C12orf76: variants seen among roughly 807,000 people sequenced by gnomAD.
The protein encoded by C12orf76 is chromosome 12 open reading frame 76, also known as uncharacterized protein C12orf76.
In C12orf76, 6 loss-of-function variants were observed where a neutral mutation model predicts 6.8. The ratio of observed to expected loss-of-function variants is 0.88; its 90% CI spans 0.48 to 1.73. The LOEUF is 1.73. Among genes scored for constraint, C12orf76 ranks in the 40% most tolerant of loss-of-function variants. The pLI, the probability that C12orf76 is intolerant of heterozygous loss-of-function variation, is 0.01. For missense variants in C12orf76, 99 were observed against 98.2 expected, an observed-to-expected ratio of 1.01 and a Z score of -0.03; for synonymous variants, 56 against 43.7, an observed-to-expected ratio of 1.28 and a Z score of -1.11.
At position 110,042,337 on chromosome 12, in the gene C12orf76, C is replaced by T. The variant is rs904677727; in HGVS notation, c.*37G>A. ...TGGCCTGTGTGCAACACAACTTATCCTATTCCCAAATACTCATTGAAGAAC... is the reference window on the plus strand; with the variant it reads ...TGGCCTGTGTGCAACACAACTTATCTTATTCCCAAATACTCATTGAAGAAC... On this transcript the variant is annotated 3_prime_UTR_variant, in exon 2 of 2. Transcript: ENST00000615315. 7.0e-6 allele frequency: 11 copies of T among 1,574,158 alleles called. No individual in the cohort carries two copies. The highest frequency in any genetic ancestry group is 9.6e-6 in the Non-Finnish European group (11 of 1,144,274).
intron 1 of C12orf76, chr12:110,066,120 C>T (rs1242451599): frequency 1.4e-5 from 19 of 1,387,372 alleles, no homozygotes; most frequent in Non-Finnish European, 1.5e-5. Flanking sequence ...GGCGCGGTAG[C>T]TCACAATTTG....
rs556995911 is a variant in C12orf76 at position 110,066,229 on chromosome 12, T to C, written n.207-196A>G. ...TCTACTAAAATTACAAAAATTAGCC[T>C]GGTGTGGTGGCACACGCCTGTAGTC... is the stretch of plus-strand genomic sequence containing the variant. On this transcript the variant is annotated intron_variant and non_coding_transcript_variant, in intron 1 of 4. Coordinates refer to the C12orf76 transcript ENST00000309050. 2.1e-4 allele frequency among the ~76,000 whole-genome samples: 32 copies of C among 151,368 alleles called. 1 individual carries two copies. The South Asian group carries it at 6.5e-3, about 31-fold the overall frequency.
chr12:110,049,849 T>C (rs763313271), upstream of C12orf76: 1 of 152,184 alleles, frequency 6.6e-6, no homozygotes, highest in Non-Finnish European at 1.5e-5. Context: ...TAGAAGAACG[T>C]TGTGAAACTC....
intron 4 of C12orf76, among the ~76,000 whole-genome samples, chr12:110,055,195 C>T (rs555311586): frequency 9.6e-4 from 144 of 150,656 alleles, no homozygotes; most frequent in Non-Finnish European, 1.7e-3. Flanking sequence ...GAGGCCTAAT[C>T]AGCATATATG....
exon 4 of C12orf76, chr12:110,057,241 C>T: frequency 6.2e-7 from 1 of 1,614,170 alleles, no homozygotes; most frequent in South Asian, 1.1e-5. Context: ...GATTGTTCTT[C>T]AAGCTCTGCA....
intron 1 of C12orf76, among the ~76,000 whole-genome samples, chr12:110,047,486 C>T (rs564131835): frequency 2.6e-5 from 4 of 152,138 alleles, no homozygotes; most frequent in African/African-American, 9.6e-5. Flanking sequence ...CCCAAGAGTT[C>T]GAGACCCCCA....
At chr12:110,055,417 A>G (rs10849689) in intron 4 of C12orf76, among the ~76,000 whole-genome samples, 46,381 of 151,856 alleles carry the variant, frequency 0.31, 10,336 homozygotes, top group African/African-American at 0.64. Flanking sequence ...ATGTTGGCCA[A>G]GCTGGTCTCG....
At chr12:110,057,447 G>A in intron 3 of C12orf76, 1 of 620,264 alleles carries the variant, frequency 1.6e-6, no homozygotes, top group Middle Eastern at 2.6e-4. Flanking sequence ...CTGCAGTGCG[G>A]CACGGAGAAG....
upstream of C12orf76, among the ~76,000 whole-genome samples, chr12:110,068,584 C>T (rs996755133): frequency 6.6e-6 from 1 of 152,232 alleles, no homozygotes; most frequent in African/African-American, 2.4e-5. Flanking sequence ...GCAACGCTAA[C>T]TCCTCTTGTA....
At chr12:110,044,125 C>T (rs945981923) in intron 1 of C12orf76, 6 of 152,102 alleles carry the variant, frequency 3.9e-5, no homozygotes, top group South Asian at 2.1e-4. Context: ...ACTATCTCAG[C>T]GATCTTGGGA....
upstream of C12orf76, chr12:110,048,545 C>T: frequency 7.3e-7 from 1 of 1,371,556 alleles, no homozygotes; most frequent in Non-Finnish European, 9.4e-7. Flanking sequence ...GCAAGCCCTG[C>T]CTCTGTCTCC....
At chr12:110,053,142 A>G (rs948683996), upstream of C12orf76, among the ~76,000 whole-genome samples, 2 of 150,568 alleles carry the variant, frequency 1.3e-5, no homozygotes, top group Non-Finnish European at 2.9e-5. Flanking sequence ...CAGTAAGCCA[A>G]TATCGTGCCA....
upstream of C12orf76, among the ~76,000 whole-genome samples, chr12:110,071,689 A>T (rs1236084677): frequency 6.6e-6 from 1 of 152,098 alleles, no homozygotes; most frequent in Non-Finnish European, 1.5e-5. Context: ...CATCATCAAC[A>T]TCATCATCAT....
rs969890967 is a variant in C12orf76 at position 110,060,415 on chromosome 12, C to T, written n.381-1252G>A. 3.9e-5 allele frequency among the ~76,000 whole-genome samples: 6 copies of T among 152,282 alleles called. No individual in the cohort carries two copies. The East Asian group carries it at 7.7e-4, about 20-fold the overall frequency. ...GCCTCTCTTGCCAAGTAAACAACAA[C>T]GTCATTGTCACTAAATCCAATAGAC... On this transcript the variant is annotated intron_variant and non_coding_transcript_variant, in intron 2 of 4. Coordinates refer to the C12orf76 transcript ENST00000309050.
chr12:110,048,575 G>T (rs1892515505), upstream of C12orf76: 1 of 1,337,348 alleles, frequency 7.5e-7, no homozygotes, highest in Non-Finnish European at 9.6e-7. Context: ...TCTCTGCGTC[G>T]CTGCCACCGC....
chr12:110,059,876 AGG>A (rs1029104510), intron 2 of C12orf76, among the ~76,000 whole-genome samples: 1 of 152,198 alleles, frequency 6.6e-6, no homozygotes, highest in Non-Finnish European at 1.5e-5. Context: ...TGAAAGTTAC[AGG>A]GGGAAAGATT....
chr12:110,048,548 C>A, upstream of C12orf76: 1 of 1,371,138 alleles, frequency 7.3e-7, no homozygotes, highest in South Asian at 1.7e-5. Flanking sequence ...AGCCCTGCCT[C>A]TGTCTCCTCC....
intron 4 of C12orf76, among the ~76,000 whole-genome samples, chr12:110,055,885 C>T (rs2137228926): frequency 6.6e-6 from 1 of 152,192 alleles, no homozygotes; most frequent in East Asian, 1.9e-4. Context: ...ATATCTCAAG[C>T]ACTGATCTTA....
At chr12:110,068,263 AAG>A (rs1284094093), upstream of C12orf76, among the ~76,000 whole-genome samples, 4 of 102,594 alleles carry the variant, frequency 3.9e-5, no homozygotes, top group Middle Eastern at 5.1e-3. Context: ...GAAGAAGAAG[AAG>A]AAGAAGAAGA....
Sources: gnomAD v4.1 joint callset for allele counts (sites outside exome capture counted in the v4.1 genomes callset) on GRCh38, gnomAD v4.1.1 for gene constraint, MANE v1.5 for transcripts, NCBI Gene and HGNC (gene_info 2026-07-23, HGNC 2026-07-21) for gene names.